TXNDC16: variants seen among roughly 807,000 people sequenced by gnomAD.
TXNDC16 encodes the protein thioredoxin domain-containing protein 16.
In TXNDC16, 74 loss-of-function variants were observed where a neutral mutation model predicts 85.6. The ratio of observed to expected loss-of-function variants is 0.86; its 90% confidence interval spans 0.72 to 1.05. The LOEUF (loss-of-function observed/expected upper bound fraction) is 1.05. Ranked by LOEUF, TXNDC16 falls within the 50% of genes least tolerant of loss-of-function variation. The pLI is 0.00. For missense variants in TXNDC16, 959 were observed against 947.0 expected (o/e 1.01, Z -0.17); for synonymous variants, 335 against 326.5 (o/e 1.03, Z -0.28).
chr14:52,490,774 T>C, intron 10 of TXNDC16, 65 bp downstream of exon 10: 1 of 1,528,642 alleles, frequency 6.5e-7, no homozygotes, highest in Non-Finnish European at 8.9e-7. Context: ...TAAATTACCA[T>C]ATTTTAAAAC....
intron 14 of TXNDC16, among the ~76,000 whole-genome samples, chr14:52,474,168 T>C (rs564989475): frequency 6.6e-6 from 1 of 152,294 alleles, no homozygotes; most frequent in South Asian, 2.1e-4. Context: ...GTCTCTTCAT[T>C]TGGTCATTAA....
chr14:52,461,923 G>T (rs1039962536), intron 16 of TXNDC16, among the ~76,000 whole-genome samples: 2 of 152,186 alleles, frequency 1.3e-5, no homozygotes, highest in Non-Finnish European at 2.9e-5. Flanking sequence ...AAATATTATA[G>T]AAAATTAGCA....
chr14:52,432,145 T>C lies in TXNDC16; in HGVS notation c.*159A>G, dbSNP rs1456875649. The C allele has an allele frequency of 8.4e-6, 5 of 597,818 alleles. No individual in the cohort carries two copies. The highest frequency in any genetic ancestry group is 1.3e-5 in the Non-Finnish European group (5 of 385,674). 37.0% of individuals were successfully genotyped at this position (597,818 alleles called of 1,614,324 possible). ...CCCTGCTCACTTTTACTTTGTTTAA[T>C]GTAGTTACTAGAAAATTTTAAATAA... On this transcript the variant is annotated 3_prime_UTR_variant, in exon 21 of 21. Transcript: ENST00000281741.
intron 6 of TXNDC16, among the ~76,000 whole-genome samples, chr14:52,519,937 T>C (rs1169266849): frequency 1.3e-5 from 2 of 152,160 alleles, no homozygotes; most frequent in Non-Finnish European, 2.9e-5. Context: ...CTTATAATTA[T>C]TTATATATTT....
intron 1 of TXNDC16, among the ~76,000 whole-genome samples, chr14:52,550,944 A>T (rs1357357650): frequency 6.6e-6 from 1 of 152,188 alleles, no homozygotes; most frequent in Non-Finnish European, 1.5e-5. Flanking sequence ...TGAACTTCTT[A>T]GGTTCCAATA....
intron 20 of TXNDC16, among the ~76,000 whole-genome samples, chr14:52,435,235 A>G (rs565115999): frequency 4.1e-4 from 59 of 143,028 alleles, no homozygotes; most frequent in Non-Finnish European, 7.0e-4. Context: ...TCAGGTTTCT[A>G]TGTTTTGAAC....
At chr14:52,489,612 TTTAA>T (rs1172807565) in intron 11 of TXNDC16, among the ~76,000 whole-genome samples, 3 of 152,180 alleles carry the variant, frequency 2.0e-5, no homozygotes, top group Admixed American at 2.0e-4. Flanking sequence ...TAGTAAACCT[TTTAA>T]TTAAAGTATA....
intron 9 of TXNDC16, among the ~76,000 whole-genome samples, chr14:52,502,200 C>A (rs548788436): frequency 6.6e-6 from 1 of 152,192 alleles, no homozygotes; most frequent in Admixed American, 6.5e-5. Context: ...CAGTGTCTAC[C>A]GGGGCTTCTG....
intron 9 of TXNDC16, among the ~76,000 whole-genome samples, chr14:52,494,142 G>T (rs1041141964): frequency 5.4e-5 from 8 of 148,876 alleles, no homozygotes; most frequent in Non-Finnish European, 1.2e-4. Context: ...TTTTAGGAAA[G>T]ATATATATAT....
intron 14 of TXNDC16, among the ~76,000 whole-genome samples, chr14:52,476,613 G>A (rs541606864): frequency 1.1e-4 from 16 of 152,050 alleles, no homozygotes; most frequent in African/African-American, 1.7e-4. Context: ...CAAGGTCTTC[G>A]AATTAACCCA....
chr14:52,457,727 T>G (rs1315831963), intron 16 of TXNDC16, among the ~76,000 whole-genome samples: 1 of 152,280 alleles, frequency 6.6e-6, no homozygotes, highest in Admixed American at 6.5e-5. Flanking sequence ...TTCATTAGTT[T>G]TGAACTTTGA....
chr14:52,444,309 C>A (rs2035231846), intron 18 of TXNDC16, among the ~76,000 whole-genome samples: 1 of 151,922 alleles, frequency 6.6e-6, no homozygotes, highest in South Asian at 2.1e-4. Flanking sequence ...AATACTAAAC[C>A]CTATTTCCTA....
chr14:52,494,973 T>C (rs1449048570), intron 9 of TXNDC16, among the ~76,000 whole-genome samples: 1 of 152,168 alleles, frequency 6.6e-6, no homozygotes, highest in African/African-American at 2.4e-5. Flanking sequence ...GTTAGACATA[T>C]GGGTGGGAGC....
intron 14 of TXNDC16, among the ~76,000 whole-genome samples, chr14:52,481,121 C>T (rs1361448761): frequency 6.6e-6 from 1 of 151,580 alleles, no homozygotes; most frequent in Non-Finnish European, 1.5e-5. Flanking sequence ...TGTTCTCACT[C>T]ATATTTGGGA....
In TXNDC16 at chr14:52,440,752, A is replaced by G. The variant is rs1445178290; in HGVS notation, c.1843-28T>C. On this transcript the variant is annotated intron_variant, in intron 18 of 20. Transcript: ENST00000281741. ...GTCAAAGAAAAGGAATAACAACAAT[A>G]AAAAATGCATTGGGGATGATAATGC... The G allele has an allele frequency of 3.1e-6, 5 of 1,596,234 alleles. No individual in the cohort carries two copies. In the African/African-American group the frequency reaches 6.8e-5, roughly 22 times the overall value.
intron 16 of TXNDC16, among the ~76,000 whole-genome samples, chr14:52,462,480 A>C (rs2035675323): frequency 6.6e-6 from 1 of 152,170 alleles, no homozygotes; most frequent in African/African-American, 2.4e-5. Context: ...ATGCCTGGCT[A>C]ATTTTTGTAT....
intron 9 of TXNDC16, among the ~76,000 whole-genome samples, chr14:52,504,795 G>C (rs892434675): frequency 1.3e-5 from 2 of 152,122 alleles, no homozygotes; most frequent in Non-Finnish European, 2.9e-5. Flanking sequence ...AAAGAGTCAA[G>C]ACCCATCAGT....
rs1399433062 is a variant in TXNDC16, at chr14:52,529,651, T to TTATATATAATGCCTATTATATATAA, written c.392+7043_392+7067dup. Among the ~76,000 whole-genome samples the TTATATATAATGCCTATTATATATAA allele has an allele frequency of 4.2e-4, 42 of 100,842 alleles. 1 individual carries two copies. Among genetic ancestry groups the TTATATATAATGCCTATTATATATAA allele is most frequent in the Non-Finnish European group, 5.2e-4 (29 of 55,384 alleles). The allele number at this position is 100,842 out of a possible 152,430, so 66.2% of individuals were successfully genotyped here. Reference sequence around the variant, plus strand: ...TTATATATAATGCCTATTATATATATTATATATAATGCCTATTATATATAA... The same window carrying TTATATATAATGCCTATTATATATAA: ...TTATATATAATGCCTATTATATATATTATATATAATGCCTATTATATATAATATATATAATGCCTATTATATATAA... On this transcript the variant is annotated intron_variant, in intron 6 of 20. Transcript: ENST00000281741.
chr14:52,539,965 C>A, intron 4 of TXNDC16, among the ~76,000 whole-genome samples: 1 of 152,022 alleles, frequency 6.6e-6, no homozygotes, highest in Non-Finnish European at 1.5e-5. Context: ...TTGTACTTTA[C>A]GTTTTTTTTC....
Sources: allele counts gnomAD v4.1 joint callset (sites outside exome capture counted in the v4.1 genomes callset), GRCh38; gene constraint gnomAD v4.1.1; transcripts MANE v1.5; gene names NCBI Gene and HGNC (gene_info 2026-07-23, HGNC 2026-07-21).